Variants in IARS1 observed in about 807,000 individuals in gnomAD.
The protein encoded by IARS1 is isoleucine--tRNA ligase, cytoplasmic.
Under a neutral mutation model 168.2 loss-of-function variants are expected in IARS1, and 124 were observed. The observed-to-expected ratio is 0.74, with a 90% CI of 0.64 to 0.86. The LOEUF is 0.86. Ranked by LOEUF, IARS1 falls within the 40% of genes least tolerant of loss-of-function variation. The pLI, the probability that IARS1 is intolerant of heterozygous loss-of-function variation, is 0.00. For missense variants in IARS1, 1,452 were observed against 1,515.8 expected, an observed-to-expected ratio of 0.96 and a Z score of 0.70; for synonymous variants, 532 against 529.4, an observed-to-expected ratio of 1.00 and a Z score of -0.07.
chr9:92,230,117 CTTTTT>C (rs550620035), intron 30 of IARS1, among the ~76,000 whole-genome samples: 1 of 145,876 alleles, frequency 6.9e-6, no homozygotes, highest in Non-Finnish European at 1.5e-5. Flanking sequence ...CTTTTCTTTT[CTTTTT>C]TTTTTTGAGA....
At chr9:92,272,943 A>T (rs1237477285) in intron 10 of IARS1, among the ~76,000 whole-genome samples, 3 of 152,028 alleles carry the variant, frequency 2.0e-5, no homozygotes, top group Non-Finnish European at 4.4e-5. Flanking sequence ...TATAACATTA[A>T]CATGCACAGC....
intron 16 of IARS1, among the ~76,000 whole-genome samples, chr9:92,263,979 A>G (rs1345172878): frequency 2.0e-5 from 3 of 152,262 alleles, no homozygotes; most frequent in African/African-American, 7.2e-5. Flanking sequence ...GCTGTCAAAG[A>G]GAGAAAATGA....
rs1370036803 is a variant in IARS1, at chr9:92,229,309, G to GAT, written c.3284-185_3284-184dup. Among the ~76,000 whole-genome samples, 4 of 149,572 alleles carry GAT rather than the reference G, an allele frequency of 2.7e-5. No individual in the cohort carries two copies. In the East Asian group the frequency reaches 5.9e-4, roughly 22 times the overall value. ...TACATATAAAAGCATACCAAGGATG[G>GAT]ATATATATACATATATATACATATA... On this transcript the variant is annotated intron_variant, in intron 30 of 33. Transcript: ENST00000443024.
chr9:92,232,598 G>T (rs565816231), intron 30 of IARS1, among the ~76,000 whole-genome samples: 1 of 152,316 alleles, frequency 6.6e-6, no homozygotes, highest in South Asian at 2.1e-4. Flanking sequence ...TAGGTTTGTG[G>T]AAGAGGAATC....
chr9:92,225,150 T>C (rs1024328317), intron 31 of IARS1, among the ~76,000 whole-genome samples: 1 of 152,224 alleles, frequency 6.6e-6, no homozygotes, highest in African/African-American at 2.4e-5. Flanking sequence ...GAAAAGGCAG[T>C]GCTTTGGTCT....
intron 21 of IARS1, 51 bp downstream of exon 21, chr9:92,253,311 C>T: frequency 8.7e-7 from 1 of 1,155,676 alleles, no homozygotes; most frequent in Non-Finnish European, 1.3e-6. Context: ...ATTTCTTCTA[C>T]TTTCAAACTT....
intron 1 of IARS1, among the ~76,000 whole-genome samples, chr9:92,289,998 G>A (rs1040785572): frequency 3.3e-5 from 5 of 152,034 alleles, no homozygotes; most frequent in Non-Finnish European, 7.4e-5. Context: ...TGGTTATTAC[G>A]AATAACGCTG....
At chr9:92,233,089 A>T (rs1384716800) in intron 30 of IARS1, among the ~76,000 whole-genome samples, 1 of 152,238 alleles carries the variant, frequency 6.6e-6, no homozygotes, top group Non-Finnish European at 1.5e-5. Flanking sequence ...AGAAACAGTA[A>T]ACAAGTTAGA....
chr9:92,253,998 T>C, intron 20 of IARS1: 1 of 416,166 alleles, frequency 2.4e-6, no homozygotes, highest in South Asian at 1.8e-5. Context: ...GGTAGCACGG[T>C]GCTACTGGAA....
Position 92,269,893 on chromosome 9 carries a change from C to T in IARS1, c.1296G>A (p.Leu432=). ...CACATCTTACTGCTCACCAGTAGCA[C>T]AGGTCATTGTTCCTTAGGAGCTGGT... The part of the protein sequence containing the change: ...MVDQLLRNND[L]CYWVPELVRE... Residue 432 remains leucine, a synonymous_variant, in exon 13 of 34, where the codon CTG becomes CTA. Coordinates refer to ENST00000443024, the MANE Select transcript of IARS1 (RefSeq NM_002161.6). 6.2e-7 allele frequency: 1 copy of T among 1,610,154 alleles called. No individual in the cohort carries two copies. The highest frequency in any genetic ancestry group is 1.7e-5 in the Admixed American group (1 of 60,012).
At chr9:92,223,265 G>C (rs1839920412) in intron 32 of IARS1, 81 bp downstream of exon 32, 17 of 1,334,756 alleles carry the variant, frequency 1.3e-5, no homozygotes, top group Non-Finnish European at 1.5e-5. Context: ...AAGCCGACTA[G>C]AAATACACAC....
chr9:92,257,384 G>A (rs1830871367), intron 19 of IARS1, among the ~76,000 whole-genome samples: 1 of 152,232 alleles, frequency 6.6e-6, no homozygotes, highest in African/African-American at 2.4e-5. Context: ...TTAAGGCCCT[G>A]ATCATGGAGT....
At chr9:92,245,939 T>C (rs1258063852) in intron 26 of IARS1, among the ~76,000 whole-genome samples, 1 of 151,182 alleles carries the variant, frequency 6.6e-6, no homozygotes. Flanking sequence ...GCTAATTTTG[T>C]GTGTGTGTGT....
chr9:92,286,017 C>A, intron 5 of IARS1, 178 bp from the exon 6 acceptor site: 1 of 538,124 alleles, frequency 1.9e-6, no homozygotes, highest in Non-Finnish European at 3.3e-6. Context: ...ATCAGGCAGA[C>A]ATTAAAATGC....
intron 19 of IARS1, among the ~76,000 whole-genome samples, chr9:92,257,048 A>G (rs940401299): frequency 6.6e-6 from 1 of 152,242 alleles, no homozygotes; most frequent in African/African-American, 2.4e-5. Context: ...TCTCTGCACC[A>G]AAGAGTAATT....
chr9:92,243,189 T>A (rs755234248), intron 28 of IARS1, 27 bp downstream of exon 28: 1 of 1,565,172 alleles, frequency 6.4e-7, no homozygotes, highest in East Asian at 2.2e-5. Flanking sequence ...GCCAAAACAG[T>A]AGCTTATTCT....
intron 33 of IARS1, among the ~76,000 whole-genome samples, chr9:92,213,969 G>A (rs1838192722): frequency 6.6e-6 from 1 of 151,998 alleles, no homozygotes; most frequent in Non-Finnish European, 1.5e-5. Flanking sequence ...GTGCCACCAT[G>A]TCCAGCTAAT....
chr9:92,278,006 G>A, intron 8 of IARS1, 83 bp from the exon 9 acceptor site: 1 of 1,323,822 alleles, frequency 7.6e-7, no homozygotes, highest in Non-Finnish European at 1.1e-6. Context: ...ACTCCCCTCT[G>A]GTTTACTGGC....
intron 2 of IARS1, among the ~76,000 whole-genome samples, chr9:92,288,935 G>A (rs1200328610): frequency 1.3e-5 from 2 of 152,124 alleles, no homozygotes; most frequent in African/African-American, 2.4e-5. Context: ...TAGGCCGCGC[G>A]TGATGGCTCA....
Sources: allele counts gnomAD v4.1 joint callset (sites outside exome capture counted in the v4.1 genomes callset), GRCh38; gene constraint gnomAD v4.1.1; transcripts MANE v1.5; gene names NCBI Gene and HGNC (gene_info 2026-07-23, HGNC 2026-07-21).